The following SGSM1 variants were observed in gnomAD, a reference collection of about 807,000 sequenced individuals.
The protein encoded by SGSM1 is small G protein signaling modulator 1.
Under a neutral mutation model 133.8 loss-of-function variants are expected in SGSM1, and 73 were observed. The observed-to-expected ratio is 0.55, with a 90% CI of 0.45 to 0.66. The LOEUF is 0.66. Ranked by LOEUF, SGSM1 falls within the 30% of genes least tolerant of loss-of-function variation. The pLI, the probability that SGSM1 is intolerant of heterozygous loss-of-function variation, is 0.00. For missense variants in SGSM1, 1,213 were observed against 1,448.1 expected (o/e 0.84, Z 2.64); for synonymous variants, 563 against 573.0 (o/e 0.98, Z 0.25).
chr22:24,872,035 T>C (rs1931790972), intron 12 of SGSM1, among the ~76,000 whole-genome samples: 2 of 152,242 alleles, frequency 1.3e-5, no homozygotes, highest in South Asian at 4.1e-4. Context: ...CATTCATTTA[T>C]ATATCATTTA....
chr22:24,861,608 C>T (rs1167802669), intron 9 of SGSM1, among the ~76,000 whole-genome samples: 2 of 151,592 alleles, frequency 1.3e-5, no homozygotes, highest in Non-Finnish European at 2.9e-5. Flanking sequence ...AATGCAGTGG[C>T]GCGAACTCGG....
In SGSM1 at chr22:24,879,453, C is replaced by T; in HGVS notation, c.1431-9C>T. On this transcript the variant is annotated splice_polypyrimidine_tract_variant and intron_variant, in intron 13 of 24. Transcript: ENST00000400358. Reference sequence around the variant, plus strand: ...TATTCTAAGCATCTCCCTCTTTCTCCACCTGCAGGGCTCCCCTGAAACTTC... The same window carrying T: ...TATTCTAAGCATCTCCCTCTTTCTCTACCTGCAGGGCTCCCCTGAAACTTC... The T allele has an allele frequency of 6.2e-7, 1 of 1,613,500 alleles. No homozygotes were observed. The highest frequency in any genetic ancestry group is 8.5e-7 in the Non-Finnish European group (1 of 1,179,724).
intron 21 of SGSM1, 82 bp from the exon 22 acceptor site, chr22:24,912,561 A>C: frequency 1.1e-6 from 1 of 913,282 alleles, no homozygotes; most frequent in South Asian, 1.5e-5. Flanking sequence ...TCATATTTCA[A>C]CATGAGATTT....
At chr22:24,860,922 A>AATAT (rs1555926665) in intron 9 of SGSM1, among the ~76,000 whole-genome samples, 512 of 37,552 alleles carry the variant, frequency 0.014, 14 homozygotes, top group African/African-American at 0.032. Flanking sequence ...AAAAAAAAAA[A>AATAT]ATATATATAT....
chr22:24,857,290 A>G (rs1930853560), intron 8 of SGSM1, among the ~76,000 whole-genome samples: 1 of 151,016 alleles, frequency 6.6e-6, no homozygotes, highest in Non-Finnish European at 1.5e-5. Context: ...ATGTGCCTGT[A>G]GTCCCAACTA....
intron 14 of SGSM1, among the ~76,000 whole-genome samples, chr22:24,883,598 GCTCTGT>G (rs1018327812): frequency 2.6e-5 from 4 of 152,180 alleles, no homozygotes; most frequent in Non-Finnish European, 5.9e-5. Flanking sequence ...AGTGCATAAA[GCTCTGT>G]CTTCCTTGTC....
chr22:24,920,000 A>G lies in SGSM1; in HGVS notation c.3193+7A>G, dbSNP rs998679513. 3.8e-6 allele frequency: 6 copies of G among 1,587,656 alleles called. No homozygotes were observed. The African/African-American group carries it at 5.4e-5, about 14-fold the overall frequency. On this transcript the variant is annotated splice_region_variant and intron_variant, in intron 24 of 24. Coordinates refer to ENST00000400358, the MANE Select transcript of SGSM1 (RefSeq NM_001098497.3). ...ATCATCAAATTCTTTAATGGTACCC[A>G]CATGACTGGGGCCTCATGAGAGGGG... is the stretch of plus-strand genomic sequence containing the variant.
chr22:24,855,807 C>A, intron 8 of SGSM1, 127 bp downstream of exon 8: 1 of 1,370,540 alleles, frequency 7.3e-7, no homozygotes, highest in South Asian at 1.2e-5. Flanking sequence ...TGCACACATC[C>A]ACCCGCCCAA....
At chr22:24,908,246 G>T (rs951261634) in intron 21 of SGSM1, among the ~76,000 whole-genome samples, 20 of 152,206 alleles carry the variant, frequency 1.3e-4, no homozygotes, top group African/African-American at 4.8e-4. Context: ...CTAAATGTAA[G>T]AACTAAAACT....
chr22:24,900,248 G>C (rs888710938), intron 19 of SGSM1, among the ~76,000 whole-genome samples: 1 of 151,746 alleles, frequency 6.6e-6, no homozygotes, highest in Admixed American at 6.6e-5. Context: ...TCTTGAACTG[G>C]CCTCAAGTGA....
intron 12 of SGSM1, chr22:24,874,671 G>A: frequency 1.4e-6 from 2 of 1,440,146 alleles, no homozygotes; most frequent in South Asian, 1.5e-5. Context: ...GGAGATGGAG[G>A]CAGGAAGGGA....
intron 2 of SGSM1, among the ~76,000 whole-genome samples, chr22:24,810,068 G>A (rs1194528282): frequency 6.6e-6 from 1 of 152,170 alleles, no homozygotes; most frequent in Non-Finnish European, 1.5e-5. Flanking sequence ...AGAGACAAAG[G>A]AGAAAGGTGC....
chr22:24,908,780 C>T (rs930639639), intron 21 of SGSM1, among the ~76,000 whole-genome samples: 10 of 147,690 alleles, frequency 6.8e-5, no homozygotes, highest in Non-Finnish European at 1.0e-4. Context: ...CCAGCCTGGG[C>T]GACAGAGCGA....
intron 2 of SGSM1, among the ~76,000 whole-genome samples, chr22:24,825,668 G>T (rs1047954265): frequency 1.4e-4 from 21 of 152,146 alleles, no homozygotes; most frequent in Admixed American, 1.4e-3. Flanking sequence ...GACCTCAGGT[G>T]ATCCACCCGC....
intron 22 of SGSM1, among the ~76,000 whole-genome samples, chr22:24,917,380 TTAAC>T (rs751421649): frequency 2.6e-5 from 4 of 152,230 alleles, no homozygotes; most frequent in Non-Finnish European, 5.9e-5. Context: ...ATTTTTAATT[TTAAC>T]TATCCTAGTG....
At chr22:24,903,940 CCAGCATGGGCA>C (rs1933259837) in intron 20 of SGSM1, among the ~76,000 whole-genome samples, 1 of 146,982 alleles carries the variant, frequency 6.8e-6, no homozygotes, top group Non-Finnish European at 1.5e-5. Context: ...CCATTGCACT[CCAGCATGGGCA>C]ACAAGAACAA....
intron 2 of SGSM1, among the ~76,000 whole-genome samples, chr22:24,831,691 C>G (rs562453569): frequency 6.6e-6 from 1 of 152,192 alleles, no homozygotes; most frequent in Non-Finnish European, 1.5e-5. Flanking sequence ...AAACAAAAAG[C>G]CCTCTTGATA....
intron 22 of SGSM1, among the ~76,000 whole-genome samples, chr22:24,914,444 C>G (rs899726035): frequency 6.6e-6 from 1 of 151,264 alleles, no homozygotes; most frequent in African/African-American, 2.4e-5. Flanking sequence ...CCATTGCACA[C>G]CAACCTGGGT....
intron 12 of SGSM1, among the ~76,000 whole-genome samples, chr22:24,872,068 G>A (rs1931792343): frequency 6.6e-6 from 1 of 152,214 alleles, no homozygotes; most frequent in Admixed American, 6.5e-5. Context: ...TGCCACAGCA[G>A]CGGAGGTGAA....
Sources: gnomAD v4.1 joint callset for allele counts (sites outside exome capture counted in the v4.1 genomes callset) on GRCh38, gnomAD v4.1.1 for gene constraint, MANE v1.5 for transcripts, NCBI Gene and HGNC (gene_info 2026-07-23, HGNC 2026-07-21) for gene names.